SLC24A2: variants seen among roughly 807,000 people sequenced by gnomAD.
The protein encoded by SLC24A2 is sodium/potassium/calcium exchanger 2.
In SLC24A2, 36 loss-of-function variants were observed where a neutral mutation model predicts 62.0. The ratio of observed to expected loss-of-function variants is 0.58; its 90% CI spans 0.44 to 0.77. The LOEUF is 0.77. Ranked by LOEUF, SLC24A2 falls within the 30% of genes least tolerant of loss-of-function variation. SLC24A2 has a pLI of 0.00. For missense variants in SLC24A2, 846 were observed against 817.9 expected (o/e 1.03, Z -0.42); for synonymous variants, 358 against 294.0 (o/e 1.22, Z -2.23).
chr9:20,221,224 G>A, the SLC24A2 span, among the ~76,000 whole-genome samples: 2 of 152,074 alleles, frequency 1.3e-5, no homozygotes, highest in Non-Finnish European at 2.9e-5. Flanking sequence ...GGTGCAATTT[G>A]AAATTGTAAA....
intron 2 of SLC24A2, among the ~76,000 whole-genome samples, chr9:19,726,532 G>A (rs1821176097): frequency 1.3e-5 from 2 of 152,162 alleles, no homozygotes; most frequent in Admixed American, 6.6e-5. Flanking sequence ...CAGAAGAGAA[G>A]GTTGTGATTG....
chr9:20,008,699 C>T, the SLC24A2 span, among the ~76,000 whole-genome samples: 1 of 152,132 alleles, frequency 6.6e-6, no homozygotes, highest in African/African-American at 2.4e-5. Flanking sequence ...AGGAAAGAAG[C>T]AGCCTCTAGA....
At chr9:19,825,630 T>A in the SLC24A2 span, among the ~76,000 whole-genome samples, 3 of 152,148 alleles carry the variant, frequency 2.0e-5, no homozygotes, top group African/African-American at 7.2e-5. Context: ...TCATTCATTC[T>A]GGGATGTAGG....
At chr9:19,726,397 T>C (rs1821169894) in intron 2 of SLC24A2, among the ~76,000 whole-genome samples, 1 of 152,230 alleles carries the variant, frequency 6.6e-6, no homozygotes. Context: ...GCTTGTGTTA[T>C]TCTCATTTAT....
chr9:19,902,860 C>G, the SLC24A2 span, among the ~76,000 whole-genome samples: 1 of 152,140 alleles, frequency 6.6e-6, no homozygotes, highest in Non-Finnish European at 1.5e-5. Context: ...ACAGATATAA[C>G]ATATTTGACA....
intron 2 of SLC24A2, among the ~76,000 whole-genome samples, chr9:19,696,852 T>C (rs1317378624): frequency 6.6e-6 from 1 of 152,160 alleles, no homozygotes; most frequent in African/African-American, 2.4e-5. Flanking sequence ...AAATATATAA[T>C]TTAAATTTAA....
At chr9:19,775,989 G>C (rs1426076884) in intron 2 of SLC24A2, among the ~76,000 whole-genome samples, 3 of 152,158 alleles carry the variant, frequency 2.0e-5, no homozygotes, top group Non-Finnish European at 4.4e-5. Flanking sequence ...GTTGACACCA[G>C]TATTTTTAAT....
chr9:20,113,935 C>A, the SLC24A2 span, among the ~76,000 whole-genome samples: 1 of 152,132 alleles, frequency 6.6e-6, no homozygotes, highest in Non-Finnish European at 1.5e-5. Context: ...CTTGGGATAG[C>A]AATCCCTGAG....
the SLC24A2 span, among the ~76,000 whole-genome samples, chr9:20,095,622 C>A: frequency 0.15 from 22,153 of 152,078 alleles, 1,697 homozygotes; most frequent in Middle Eastern, 0.23. Flanking sequence ...AGCTCACTGA[C>A]TCACTCTGCA....
chr9:19,761,727 C>G (rs375270799), intron 2 of SLC24A2, among the ~76,000 whole-genome samples: 2 of 151,828 alleles, frequency 1.3e-5, no homozygotes, highest in Admixed American at 1.3e-4. Context: ...TGAAAACATG[C>G]GGTGTTTGGT....
chr9:20,212,842 T>A, the SLC24A2 span, among the ~76,000 whole-genome samples: 5 of 151,612 alleles, frequency 3.3e-5, no homozygotes, highest in Non-Finnish European at 7.4e-5. Flanking sequence ...ATACAAATGT[T>A]TTCAAAAAAC....
intron 5 of SLC24A2, among the ~76,000 whole-genome samples, chr9:19,588,645 C>T (rs937101306): frequency 6.6e-6 from 1 of 152,150 alleles, no homozygotes; most frequent in Non-Finnish European, 1.5e-5. Flanking sequence ...ATCTGAGTCT[C>T]TCTTCAAAGG....
the SLC24A2 span, among the ~76,000 whole-genome samples, chr9:20,088,678 A>G: frequency 6.6e-6 from 1 of 152,046 alleles, no homozygotes; most frequent in Non-Finnish European, 1.5e-5. Context: ...GACCCCCCCA[A>G]AGCAATAAAG....
At chr9:20,031,369 AT>A in the SLC24A2 span, among the ~76,000 whole-genome samples, 3 of 146,426 alleles carry the variant, frequency 2.0e-5, no homozygotes, top group Admixed American at 1.4e-4. Context: ...ATATATATAT[AT>A]ATATAATTTT....
the SLC24A2 span, among the ~76,000 whole-genome samples, chr9:20,042,712 T>C: frequency 7.9e-5 from 12 of 152,238 alleles, no homozygotes; most frequent in Admixed American, 3.3e-4. Context: ...AATTGAAGGT[T>C]TGTGGCAACA....
chr9:19,545,641 T>C (rs939330067), intron 8 of SLC24A2, among the ~76,000 whole-genome samples: 4 of 151,886 alleles, frequency 2.6e-5, no homozygotes, highest in African/African-American at 9.7e-5. Flanking sequence ...TTTTAGTTTT[T>C]TTTTCTTTTT....
the SLC24A2 span, among the ~76,000 whole-genome samples, chr9:20,253,722 T>C: frequency 2.0e-5 from 3 of 152,178 alleles, no homozygotes; most frequent in African/African-American, 7.2e-5. Context: ...AGTGATCCAG[T>C]AGCAGAGAGA....
chr9:19,735,053 C>T (rs199783469), intron 2 of SLC24A2, among the ~76,000 whole-genome samples: 25 of 151,924 alleles, frequency 1.6e-4, no homozygotes, highest in African/African-American at 4.6e-4. Flanking sequence ...CAAAAGAAAC[C>T]ACCATCAGAG....
chr9:19,598,237 A>G (rs1836756415), intron 4 of SLC24A2, among the ~76,000 whole-genome samples: 1 of 152,160 alleles, frequency 6.6e-6, no homozygotes, highest in East Asian at 1.9e-4. Context: ...CTCCCAATAA[A>G]CTTCAAGACA....
Sources: allele counts gnomAD v4.1 joint callset (sites outside exome capture counted in the v4.1 genomes callset), GRCh38; gene constraint gnomAD v4.1.1; transcripts MANE v1.5; gene names NCBI Gene and HGNC (gene_info 2026-07-23, HGNC 2026-07-21).